The following HFM1 variants were observed in gnomAD, a reference collection of about 807,000 sequenced individuals.
HFM1 encodes probable ATP-dependent DNA helicase HFM1.
In HFM1, 169 loss-of-function variants were observed where a neutral mutation model predicts 192.1. That is an observed-to-expected ratio of 0.88 (90% CI 0.78 to 1.00). HFM1 has a LOEUF of 1.00. Ranked by LOEUF, HFM1 falls within the 50% of genes least tolerant of loss-of-function variation. The pLI is 0.00. For missense variants in HFM1, 1,661 were observed against 1,668.0 expected (o/e 1.00, Z 0.07); for synonymous variants, 525 against 537.8 (o/e 0.98, Z 0.33).
intron 25 of HFM1, 83 bp from the exon 26 acceptor site, chr1:91,316,559 G>T: frequency 7.3e-6 from 4 of 545,142 alleles, no homozygotes; most frequent in African/African-American, 2.0e-5. Context: ...AACTAAATTA[G>T]TAAAAAAAAA....
intron 5 of HFM1, 107 bp downstream of exon 5, chr1:91,385,468 C>A: frequency 1.0e-6 from 1 of 961,014 alleles, no homozygotes; most frequent in Non-Finnish European, 1.6e-6. Context: ...AGAAATTGCA[C>A]AGAGAGATAA....
intron 11 of HFM1, chr1:91,377,376 T>C (rs545086228): frequency 1.4e-4 from 22 of 152,026 alleles, no homozygotes; most frequent in African/African-American, 5.3e-4. Context: ...TAAGAAGTAG[T>C]AGGGGAAAAC....
chr1:91,365,242 A>G (rs1659136005), intron 13 of HFM1, among the ~76,000 whole-genome samples: 1 of 152,202 alleles, frequency 6.6e-6, no homozygotes, highest in Non-Finnish European at 1.5e-5. Context: ...GTCAAAGGAT[A>G]TACAGAAAAG....
intron 30 of HFM1, among the ~76,000 whole-genome samples, chr1:91,299,484 C>T (rs1474489797): frequency 1.3e-5 from 2 of 152,252 alleles, no homozygotes; most frequent in Admixed American, 6.5e-5. Flanking sequence ...AATATACATT[C>T]TTGTCAGCAC....
At position 91,380,177 on chromosome 1, in the gene HFM1, T is replaced by G. The variant is rs144947710; in HGVS notation, c.933A>C (p.Val311=). ...ICAPTGSGKT[V]VFELAITRLL... is the part of the protein sequence containing the mutation. Reference sequence around the variant, plus strand: ...ATCTTGTTATAGCTAGTTCAAACACTACAGTTTTTCCAGAACCAGTTGGAG... The same window carrying G: ...ATCTTGTTATAGCTAGTTCAAACACGACAGTTTTTCCAGAACCAGTTGGAG... Residue 311 remains valine (V), a synonymous_variant, in exon 8 of 39, where the codon GTA becomes GTC. Transcript: ENST00000370425. 2 of 1,563,552 alleles carry G rather than the reference T, an allele frequency of 1.3e-6. No homozygotes were observed. Among genetic ancestry groups the G allele is most frequent in the African/African-American group, 2.7e-5 (2 of 72,952 alleles).
intron 34 of HFM1, among the ~76,000 whole-genome samples, chr1:91,268,946 C>T (rs2100716089): frequency 6.6e-6 from 1 of 152,164 alleles, no homozygotes; most frequent in East Asian, 1.9e-4. Context: ...CAACTTCTTT[C>T]CTGAATTAGA....
At chr1:91,319,781 T>G (rs550920904) in intron 23 of HFM1, among the ~76,000 whole-genome samples, 7 of 152,320 alleles carry the variant, frequency 4.6e-5, no homozygotes, top group Admixed American at 2.0e-4. Flanking sequence ...ATCTATCTTT[T>G]GGCTCTACTA....
intron 20 of HFM1, among the ~76,000 whole-genome samples, chr1:91,325,492 A>C (rs1652766477): frequency 6.6e-6 from 1 of 152,216 alleles, no homozygotes; most frequent in South Asian, 2.1e-4. Context: ...AAAGTAAGGG[A>C]AAAGAACAAG....
chr1:91,326,738 G>C (rs1364657654), intron 20 of HFM1, among the ~76,000 whole-genome samples: 2 of 150,900 alleles, frequency 1.3e-5, no homozygotes, highest in South Asian at 4.2e-4. Context: ...CACTGTAATT[G>C]TGGTGTGTAA....
chr1:91,349,140 T>A (rs570955144), intron 18 of HFM1, among the ~76,000 whole-genome samples: 1 of 151,888 alleles, frequency 6.6e-6, no homozygotes, highest in African/African-American at 2.4e-5. Context: ...ATAGAAAAAA[T>A]TAGCCAGGTG....
intron 23 of HFM1, among the ~76,000 whole-genome samples, chr1:91,321,029 T>C (rs1187386630): frequency 1.3e-5 from 2 of 152,216 alleles, no homozygotes; most frequent in East Asian, 3.8e-4. Context: ...CTTCGTATGG[T>C]GGCTCCACAT....
At chr1:91,297,209 G>A (rs1015668584) in intron 30 of HFM1, among the ~76,000 whole-genome samples, 5 of 152,180 alleles carry the variant, frequency 3.3e-5, no homozygotes, top group Non-Finnish European at 7.4e-5. Context: ...ACAGCAGTCT[G>A]AGATCAAACT....
chr1:91,316,596 AACTT>A (rs752951881), intron 25 of HFM1, 120 bp from the exon 26 acceptor site: 88 of 414,528 alleles, frequency 2.1e-4, no homozygotes, highest in Middle Eastern at 6.4e-4. Flanking sequence ...TCAAATAACT[AACTT>A]AAAGTTTTTG....
chr1:91,342,161 A>T (rs1235866936), intron 20 of HFM1, among the ~76,000 whole-genome samples: 1 of 133,892 alleles, frequency 7.5e-6, no homozygotes, highest in African/African-American at 2.7e-5. Context: ...ATTCAGGCGA[A>T]TATTCCTGAT....
Position 91,262,612 on chromosome 1 carries a change from A to T in HFM1, c.3975-20T>A. On this transcript the variant is annotated intron_variant, in intron 36 of 38. Coordinates refer to ENST00000370425, the MANE Select transcript of HFM1 (RefSeq NM_001017975.6). ...ACAAAACTAAAAATTAAAATTAATT[A>T]TTTGTAAAATACGGCAAACAAGAAA... 1 of 1,380,840 alleles carries T rather than the reference A, an allele frequency of 7.2e-7. No individual in the cohort carries two copies. Among genetic ancestry groups the T allele is most frequent in the Non-Finnish European group, 1.0e-6 (1 of 980,390 alleles). The allele number at this position is 1,380,840 out of a possible 1,614,324, so 85.5% of individuals were successfully genotyped here.
In HFM1 at chr1:91,267,249, T is replaced by G. The variant is rs144064365; in HGVS notation, c.3883+496A>C. 6.9e-3 allele frequency among the ~76,000 whole-genome samples: 1,048 copies of G among 151,654 alleles called. 5 individuals are homozygous for G. The highest frequency in any genetic ancestry group is 0.051 in the Middle Eastern group (15 of 294). Reference sequence around the variant, plus strand: ...GAATTTCTAGTACAGGAGAAACTAATCTTTCTTTCTTATTTACTTATTTAT... The same window carrying G: ...GAATTTCTAGTACAGGAGAAACTAAGCTTTCTTTCTTATTTACTTATTTAT... On this transcript the variant is annotated intron_variant, in intron 35 of 38. Transcript: ENST00000370425.
chr1:91,393,487 C>T (rs1663258979), intron 4 of HFM1, among the ~76,000 whole-genome samples: 1 of 152,144 alleles, frequency 6.6e-6, no homozygotes, highest in Non-Finnish European at 1.5e-5. Context: ...AAGGGCACTA[C>T]CAACCTTCAT....
chr1:91,385,985 G>A (rs769662972), intron 4 of HFM1, 151 bp from the exon 5 acceptor site: 1 of 632,456 alleles, frequency 1.6e-6, no homozygotes, highest in African/African-American at 1.8e-5. Flanking sequence ...AATATAACTT[G>A]CTAGTTTACC....
In HFM1 at chr1:91,379,086, C is replaced by T; in HGVS notation, c.1135G>A (p.Ala379Thr). ...ACTGGAGTTGTCATAATAATATGGGCATGCTGAATCTCAAATAGATCATCC... is the reference window on the plus strand; with the variant it reads ...ACTGGAGTTGTCATAATAATATGGGTATGCTGAATCTCAAATAGATCATCC... ...VMDDLFEIQH[A>T]HIIMTTPEKW... The change falls in exon 9 of 39, where the codon GCC becomes ACC. Residue 379 changes from alanine to threonine, a missense_variant. Transcript: ENST00000370425. 6.3e-7 allele frequency: 1 copy of T among 1,584,600 alleles called. No individual in the cohort carries two copies. Among genetic ancestry groups the T allele is most frequent in the Non-Finnish European group, 8.6e-7 (1 of 1,164,324 alleles).
Sources: allele counts gnomAD v4.1 joint callset (sites outside exome capture counted in the v4.1 genomes callset), GRCh38; gene constraint gnomAD v4.1.1; transcripts MANE v1.5; gene names NCBI Gene and HGNC (gene_info 2026-07-23, HGNC 2026-07-21).